EIF3K: variants seen among roughly 807,000 people sequenced by gnomAD.
EIF3K encodes the protein eIF-3 p28.
EIF3K carries 27 observed loss-of-function variants against 34.2 expected under a neutral mutation model. That is an observed-to-expected ratio of 0.79 (90% CI 0.58 to 1.09). The LOEUF is 1.09. Among genes scored for constraint, EIF3K ranks in the 50% least tolerant of loss-of-function variants. The pLI, the probability that EIF3K is intolerant of heterozygous loss-of-function variation, is 0.00. For synonymous variants in EIF3K, 105 were observed against 105.7 expected (o/e 0.99, Z 0.04); for missense variants, 232 against 275.4 (o/e 0.84, Z 1.11).
At chr19:38,635,249 T>G in intron 7 of EIF3K, 131 bp downstream of exon 7, 1 of 1,318,984 alleles carries the variant, frequency 7.6e-7, no homozygotes, top group East Asian at 2.3e-5. Context: ...CCTGCCAGAT[T>G]CCATTCACCT....
chr19:38,623,049 T>G (rs1279219130), intron 2 of EIF3K, among the ~76,000 whole-genome samples: 2 of 152,198 alleles, frequency 1.3e-5, no homozygotes, highest in South Asian at 2.1e-4. Context: ...TGGAACGATA[T>G]ACATCCTCCT....
chr19:38,620,192 T>G (rs1720898393), intron 1 of EIF3K, 145 bp from the exon 2 acceptor site: 1 of 652,876 alleles, frequency 1.5e-6, no homozygotes, highest in Non-Finnish European at 2.7e-6. Flanking sequence ...CTGGACATAA[T>G]TCACTACCTG....
At chr19:38,620,949 C>T (rs993513146) in intron 2 of EIF3K, among the ~76,000 whole-genome samples, 1 of 151,970 alleles carries the variant, frequency 6.6e-6, no homozygotes, top group Non-Finnish European at 1.5e-5. Context: ...TGCCTGTAAT[C>T]CCAGCACTTT....
intron 2 of EIF3K, among the ~76,000 whole-genome samples, chr19:38,623,579 A>G (rs1415344545): frequency 6.6e-6 from 1 of 152,222 alleles, no homozygotes; most frequent in Non-Finnish European, 1.5e-5. Context: ...TGCTGGGATT[A>G]CAGGCTTGAG....
At chr19:38,626,368 C>A in intron 4 of EIF3K, 1 of 434,210 alleles carries the variant, frequency 2.3e-6, no homozygotes, top group Non-Finnish European at 4.1e-6. Context: ...AGAAGTCCTC[C>A]AGTGGCTGGG....
chr19:38,626,620 A>G (rs1478306447), intron 4 of EIF3K, among the ~76,000 whole-genome samples: 1 of 152,190 alleles, frequency 6.6e-6, no homozygotes, highest in Non-Finnish European at 1.5e-5. Context: ...CCTGGGCAAC[A>G]GAGCAAGACC....
chr19:38,629,901 A>G (rs917541656), intron 4 of EIF3K, among the ~76,000 whole-genome samples: 1 of 152,172 alleles, frequency 6.6e-6, no homozygotes, highest in African/African-American at 2.4e-5. Context: ...GGGCTATGGT[A>G]GGAAAATTGG....
At chr19:38,620,851 G>A (rs1330562285) in intron 2 of EIF3K, among the ~76,000 whole-genome samples, 2 of 151,962 alleles carry the variant, frequency 1.3e-5, no homozygotes, top group East Asian at 1.9e-4. Flanking sequence ...CCAAGATCGC[G>A]CCATTGCACT....
At chr19:38,628,359 A>G (rs1599734926) in intron 4 of EIF3K, 2 of 152,404 alleles carry the variant, frequency 1.3e-5, no homozygotes, top group East Asian at 3.9e-4. Flanking sequence ...GCCGTCACCA[A>G]TAATGGCTCC....
intron 4 of EIF3K, among the ~76,000 whole-genome samples, chr19:38,631,437 C>G (rs554457036): frequency 1.3e-5 from 2 of 152,184 alleles, no homozygotes; most frequent in Non-Finnish European, 2.9e-5. Flanking sequence ...GAATTAAGTG[C>G]TTTGCTTTTG....
chr19:38,630,281 G>A (rs1464950969), intron 4 of EIF3K, among the ~76,000 whole-genome samples: 1 of 151,126 alleles, frequency 6.6e-6, no homozygotes, highest in Non-Finnish European at 1.5e-5. Context: ...ATCTTCCCAA[G>A]TGGCTGGGAT....
intron 4 of EIF3K, among the ~76,000 whole-genome samples, chr19:38,631,807 G>T (rs948238106): frequency 1.3e-5 from 2 of 152,166 alleles, no homozygotes; most frequent in Non-Finnish European, 2.9e-5. Context: ...GCGGTCTTCC[G>T]CAGTGTTTGT....
intron 2 of EIF3K, among the ~76,000 whole-genome samples, chr19:38,622,367 G>A (rs1975860925): frequency 6.6e-6 from 1 of 152,216 alleles, no homozygotes; most frequent in East Asian, 1.9e-4. Flanking sequence ...GTCCGGGGGA[G>A]ACATCACACA....
In EIF3K at chr19:38,635,965, T is replaced by G. The variant is rs949064205; in HGVS notation, c.625+847T>G. On this transcript the variant is annotated intron_variant, in intron 7 of 7. Transcript: ENST00000248342. ...TCAGGTGTTTTAAAGATGTGTTTGG[T>G]ACAACGTGGTTTCTTAACACAAACC... 2.0e-5 allele frequency among the ~76,000 whole-genome samples: 3 copies of G among 152,324 alleles called. No homozygotes were observed. The East Asian group carries it at 5.8e-4, about 29-fold the overall frequency.
intron 2 of EIF3K, among the ~76,000 whole-genome samples, chr19:38,621,119 C>G (rs1337817759): frequency 6.6e-6 from 1 of 151,568 alleles, no homozygotes; most frequent in Non-Finnish European, 1.5e-5. Context: ...ATCGCTTAAG[C>G]CTGGAAGATT....
chr19:38,632,689 C>T lies in EIF3K; in HGVS notation c.499+11C>T. ...TCGGGGATCTGTCGGGTAACGCCCT[C>T]TGGGTCCTGGTGCACATCTGGGAGG... On this transcript the variant is annotated intron_variant, in intron 6 of 7. Transcript: ENST00000248342. 6.2e-7 allele frequency: 1 copy of T among 1,606,802 alleles called. No individual in the cohort carries two copies. The highest frequency in any genetic ancestry group is 8.5e-7 in the Non-Finnish European group (1 of 1,176,070).
intron 2 of EIF3K, among the ~76,000 whole-genome samples, chr19:38,621,006 A>G (rs1975827941): frequency 6.6e-6 from 1 of 152,046 alleles, no homozygotes; most frequent in Non-Finnish European, 1.5e-5. Context: ...GTTCGAGACC[A>G]TCCATGGCAA....
chr19:38,634,423 A>G (rs967452968), intron 6 of EIF3K, among the ~76,000 whole-genome samples: 2 of 148,504 alleles, frequency 1.3e-5, no homozygotes, highest in Non-Finnish European at 3.0e-5. Context: ...ACATGGAGAA[A>G]CCCCATCTCT....
chr19:38,623,263 A>G (rs1488029020), intron 2 of EIF3K, among the ~76,000 whole-genome samples: 1 of 152,226 alleles, frequency 6.6e-6, no homozygotes, highest in African/African-American at 2.4e-5. Flanking sequence ...TTCTTCTGTC[A>G]TGGCTTCAGC....
Sources: gnomAD v4.1 joint callset for allele counts (sites outside exome capture counted in the v4.1 genomes callset) on GRCh38, gnomAD v4.1.1 for gene constraint, MANE v1.5 for transcripts, NCBI Gene and HGNC (gene_info 2026-07-23, HGNC 2026-07-21) for gene names.